UBTD1: variants seen among roughly 807,000 people sequenced by gnomAD.
UBTD1 encodes ubiquitin domain containing 1.
In UBTD1, 19 loss-of-function variants were observed where a neutral mutation model predicts 21.7. The ratio of observed to expected loss-of-function variants is 0.87; its 90% CI spans 0.61 to 1.28. UBTD1 has a LOEUF of 1.28. Ranked by LOEUF, UBTD1 falls within the 50% of genes most tolerant of loss-of-function variation. The pLI is 0.00. For synonymous variants in UBTD1, 116 were observed against 135.1 expected (o/e 0.86, Z 0.98); for missense variants, 282 against 315.1 (o/e 0.89, Z 0.80).
intron 1 of UBTD1, among the ~76,000 whole-genome samples, chr10:97,561,192 C>T (rs535295536): frequency 7.2e-5 from 11 of 152,226 alleles, no homozygotes; most frequent in Admixed American, 1.3e-4. Context: ...TACCCGGGAG[C>T]GCTCTTTGGA....
At chr10:97,516,215 G>A (rs548948344) in intron 1 of UBTD1, among the ~76,000 whole-genome samples, 9 of 152,354 alleles carry the variant, frequency 5.9e-5, no homozygotes, top group Admixed American at 2.0e-4. Context: ...CCTCCTGGGA[G>A]CTGAGGCTGG....
At chr10:97,555,543 G>A (rs1050246653) in intron 1 of UBTD1, among the ~76,000 whole-genome samples, 1 of 152,170 alleles carries the variant, frequency 6.6e-6, no homozygotes, top group African/African-American at 2.4e-5. Flanking sequence ...GGGAGCATCG[G>A]CAAGCTACTG....
chr10:97,531,566 T>C (rs950216360), intron 1 of UBTD1, among the ~76,000 whole-genome samples: 1 of 152,096 alleles, frequency 6.6e-6, no homozygotes, highest in African/African-American at 2.4e-5. Flanking sequence ...ATGTCATCTT[T>C]TAAATGTAAA....
At chr10:97,530,000 C>G (rs564366982) in intron 1 of UBTD1, among the ~76,000 whole-genome samples, 1 of 152,162 alleles carries the variant, frequency 6.6e-6, no homozygotes, top group Admixed American at 6.5e-5. Context: ...TAAGACCTTC[C>G]GCAGAGGGGG....
chr10:97,562,708 A>G (rs2040698579), intron 1 of UBTD1, among the ~76,000 whole-genome samples: 1 of 152,186 alleles, frequency 6.6e-6, no homozygotes, highest in Admixed American at 6.5e-5. Flanking sequence ...ACAAATCACA[A>G]TGGTGGAATG....
At chr10:97,554,469 A>G (rs1219294871) in intron 1 of UBTD1, among the ~76,000 whole-genome samples, 1 of 151,258 alleles carries the variant, frequency 6.6e-6, no homozygotes, top group Non-Finnish European at 1.5e-5. Flanking sequence ...CTGGTCTCGA[A>G]CTCCTGGACT....
chr10:97,550,599 C>G (rs1288188744), intron 1 of UBTD1, among the ~76,000 whole-genome samples: 2 of 152,220 alleles, frequency 1.3e-5, no homozygotes, highest in Admixed American at 6.5e-5. Context: ...TTGCTGAGAA[C>G]CGCGCTGGGC....
At chr10:97,544,423 G>A (rs568404887) in intron 1 of UBTD1, among the ~76,000 whole-genome samples, 39 of 152,048 alleles carry the variant, frequency 2.6e-4, no homozygotes, top group Non-Finnish European at 5.1e-4. Context: ...GAGCAGAGCT[G>A]ATGGATTTCA....
chr10:97,518,000 G>A (rs1282626381), intron 1 of UBTD1, among the ~76,000 whole-genome samples: 4 of 152,168 alleles, frequency 2.6e-5, no homozygotes, highest in Non-Finnish European at 5.9e-5. Flanking sequence ...TTACTTCCTA[G>A]TGTGGAACTG....
chr10:97,538,308 A>T (rs2040572712), intron 1 of UBTD1, among the ~76,000 whole-genome samples: 1 of 152,316 alleles, frequency 6.6e-6, no homozygotes, highest in African/African-American at 2.4e-5. Context: ...CCTGGGCAAC[A>T]CAGTGAGACC....
chr10:97,529,671 T>G (rs1250734766), intron 1 of UBTD1, among the ~76,000 whole-genome samples: 9 of 150,096 alleles, frequency 6.0e-5, no homozygotes, highest in African/African-American at 2.2e-4. Flanking sequence ...GGCAGGGAGG[T>G]TGCAGTGAGC....
intron 1 of UBTD1, among the ~76,000 whole-genome samples, chr10:97,516,503 C>T (rs58107697): frequency 6.6e-5 from 10 of 152,124 alleles, no homozygotes; most frequent in Admixed American, 5.9e-4. Flanking sequence ...CGGCCGGGCA[C>T]GGTGGCTCAT....
intron 1 of UBTD1, among the ~76,000 whole-genome samples, chr10:97,565,377 T>C (rs1027771126): frequency 1.2e-4 from 18 of 152,236 alleles, no homozygotes; most frequent in Admixed American, 4.6e-4. Flanking sequence ...ACAGGAATTA[T>C]ATTGGAATTG....
intron 1 of UBTD1, among the ~76,000 whole-genome samples, chr10:97,545,037 T>A (rs1173551569): frequency 2.0e-5 from 3 of 151,852 alleles, no homozygotes; most frequent in Non-Finnish European, 4.4e-5. Flanking sequence ...ATGACAGTAA[T>A]AAGTACCTAC....
chr10:97,539,880 C>T (rs1446982447), intron 1 of UBTD1, among the ~76,000 whole-genome samples: 4 of 152,186 alleles, frequency 2.6e-5, no homozygotes, highest in Non-Finnish European at 5.9e-5. Flanking sequence ...AGCTCCCTTC[C>T]TTCCAGATCC....
At chr10:97,501,389 C>G (rs1216265218) in intron 1 of UBTD1, among the ~76,000 whole-genome samples, 2 of 152,178 alleles carry the variant, frequency 1.3e-5, no homozygotes, top group Admixed American at 1.3e-4. Flanking sequence ...GAGTTCGAGA[C>G]CAGCCTGGCC....
chr10:97,547,206 G>T (rs73330801), intron 1 of UBTD1, among the ~76,000 whole-genome samples: 3 of 152,140 alleles, frequency 2.0e-5, no homozygotes, highest in Admixed American at 6.5e-5. Flanking sequence ...GCCGGTGCCC[G>T]TTGGGTCCTC....
intron 1 of UBTD1, among the ~76,000 whole-genome samples, chr10:97,542,694 C>T (rs781365565): frequency 3.3e-5 from 5 of 152,204 alleles, no homozygotes; most frequent in Admixed American, 1.3e-4. Flanking sequence ...CTTGGCCGGT[C>T]GGCTTGCCCT....
intron 1 of UBTD1, among the ~76,000 whole-genome samples, chr10:97,530,002 C>CTA (rs2040520667): frequency 6.6e-6 from 1 of 152,180 alleles, no homozygotes; most frequent in South Asian, 2.1e-4. Context: ...AGACCTTCCG[C>CTA]AGAGGGGGTG....
Sources: gnomAD v4.1 joint callset for allele counts (sites outside exome capture counted in the v4.1 genomes callset) on GRCh38, gnomAD v4.1.1 for gene constraint, MANE v1.5 for transcripts, NCBI Gene and HGNC (gene_info 2026-07-23, HGNC 2026-07-21) for gene names.